The following GABRB1 variants were observed in gnomAD, a reference collection of about 807,000 sequenced individuals.
GABRB1 encodes the protein gamma-aminobutyric acid receptor subunit beta-1.
In GABRB1, 17 loss-of-function variants were observed where a neutral mutation model predicts 51.6. That is an observed-to-expected ratio of 0.33 (90% CI 0.23 to 0.49). The LOEUF (loss-of-function observed/expected upper bound fraction) is 0.49. Among genes scored for constraint, GABRB1 ranks in the 20% least tolerant of loss-of-function variants. The probability of loss-of-function intolerance (pLI) is 0.99; values close to 1 mark genes in which losing one functional copy is unlikely to be tolerated. For synonymous variants in GABRB1, 247 were observed against 218.9 expected, an observed-to-expected ratio of 1.13 and a Z score of -1.14; for missense variants, 410 against 600.6, an observed-to-expected ratio of 0.68 and a Z score of 3.32.
intron 1 of GABRB1, among the ~76,000 whole-genome samples, chr4:47,016,292 T>A (rs1402400548): frequency 2.0e-5 from 3 of 152,200 alleles, no homozygotes; most frequent in Non-Finnish European, 4.4e-5. Context: ...GCTTTCAGGC[T>A]TTGCCCTATA....
intron 1 of GABRB1, among the ~76,000 whole-genome samples, chr4:46,998,274 G>T (rs1037127578): frequency 6.6e-6 from 1 of 152,026 alleles, no homozygotes; most frequent in Non-Finnish European, 1.5e-5. Context: ...ATGTATTTTA[G>T]ATTATTAATT....
At chr4:47,257,938 T>C (rs867888895) in intron 4 of GABRB1, among the ~76,000 whole-genome samples, 87 of 151,776 alleles carry the variant, frequency 5.7e-4, no homozygotes, top group African/African-American at 1.8e-3. Flanking sequence ...TAAAAGAGTA[T>C]GGGGAAAAAA....
intron 3 of GABRB1, among the ~76,000 whole-genome samples, chr4:47,147,091 C>T (rs1236260042): frequency 5.9e-5 from 9 of 151,936 alleles, no homozygotes; most frequent in Admixed American, 5.3e-4. Context: ...ATTTTAAATA[C>T]ATAAGATAAT....
chr4:47,052,088 C>A (rs1236803974), intron 3 of GABRB1, among the ~76,000 whole-genome samples: 1 of 152,236 alleles, frequency 6.6e-6, no homozygotes, highest in East Asian at 1.9e-4. Flanking sequence ...CGAGATTGTG[C>A]CACTGCACTC....
Position 47,003,083 on chromosome 4 carries a change from A to C in GABRB1, c.-20+9157A>C, listed in dbSNP as rs559167932. On this transcript the variant is annotated intron_variant, in intron 1 of 3. Transcript: ENST00000513567. Reference sequence around the variant, plus strand: ...TCACTCCTATTTGCTTTATAATAAAAAAAAACTTTGTTCTTTTAGTGATAA... The same window carrying C: ...TCACTCCTATTTGCTTTATAATAAACAAAAACTTTGTTCTTTTAGTGATAA... 2.0e-3 allele frequency among the ~76,000 whole-genome samples: 305 copies of C among 152,352 alleles called. 14 individuals are homozygous for C. In the East Asian group the frequency reaches 0.05, roughly 25 times the overall value.
At chr4:47,208,798 A>G (rs1174486808) in intron 4 of GABRB1, among the ~76,000 whole-genome samples, 1 of 152,014 alleles carries the variant, frequency 6.6e-6, no homozygotes, top group African/African-American at 2.4e-5. Context: ...TTCTTATGGT[A>G]TTTTCATTTC....
chr4:47,262,363 C>A (rs2109880411), intron 4 of GABRB1, among the ~76,000 whole-genome samples: 1 of 152,124 alleles, frequency 6.6e-6, no homozygotes, highest in African/African-American at 2.4e-5. Flanking sequence ...AACAAACAAC[C>A]CCATCAAAAA....
At chr4:47,110,179 G>A (rs112504584) in intron 3 of GABRB1, among the ~76,000 whole-genome samples, 1 of 152,004 alleles carries the variant, frequency 6.6e-6, no homozygotes, top group South Asian at 2.1e-4. Context: ...TCTACTTAAA[G>A]ATATTGGGCC....
intron 3 of GABRB1, among the ~76,000 whole-genome samples, chr4:47,065,825 C>A (rs1438279069): frequency 2.0e-5 from 3 of 152,124 alleles, no homozygotes; most frequent in Non-Finnish European, 4.4e-5. Flanking sequence ...ATGACAGTTT[C>A]CTAGGCCTGG....
intron 4 of GABRB1, among the ~76,000 whole-genome samples, chr4:47,276,453 G>A (rs958195140): frequency 6.6e-6 from 1 of 152,048 alleles, no homozygotes; most frequent in Non-Finnish European, 1.5e-5. Flanking sequence ...TAACCTTGAA[G>A]CCTCTCCATC....
At chr4:47,262,272 G>A (rs1488033491) in intron 4 of GABRB1, among the ~76,000 whole-genome samples, 1 of 152,084 alleles carries the variant, frequency 6.6e-6, no homozygotes, top group African/African-American at 2.4e-5. Flanking sequence ...TAAAATGGGA[G>A]AAAATTTTCG....
rs1285519475 is a variant in GABRB1, at chr4:47,008,852, CCTTTTTTTT to C, written c.-20+14927_-20+14935del. ...CACCCTGTCACGCTATCAGATACTA[CCTTTTTTTT>C]TTTTTTTTTTTTTTTTTTTTTGAGA... is the stretch of plus-strand genomic sequence containing the variant. On this transcript the variant is annotated intron_variant, in intron 1 of 3. Transcript: ENST00000513567. Among the ~76,000 whole-genome samples, 236 of 56,482 alleles carry C rather than the reference CCTTTTTTTT, an allele frequency of 4.2e-3. 51 individuals are homozygous for C. The highest frequency in any genetic ancestry group is 0.016 in the African/African-American group (207 of 12,888). 37.1% of individuals were successfully genotyped at this position (56,482 alleles called of 152,430 possible). A position where few individuals can be genotyped will look rare whatever the true frequency, so the allele number is the denominator to read the frequency against.
chr4:47,143,105 C>G (rs1254803835), intron 3 of GABRB1, among the ~76,000 whole-genome samples: 1 of 151,698 alleles, frequency 6.6e-6, no homozygotes, highest in Admixed American at 6.6e-5. Flanking sequence ...AAAGTTTGTA[C>G]CAGTACTTTT....
chr4:47,170,157 C>T (rs114315300), intron 4 of GABRB1, among the ~76,000 whole-genome samples: 2,326 of 152,162 alleles, frequency 0.015, 25 homozygotes, highest in Non-Finnish European at 0.025. Context: ...AACTCCTCTA[C>T]CATATTTGTT....
chr4:47,066,651 A>G (rs750239513), intron 3 of GABRB1, among the ~76,000 whole-genome samples: 2 of 152,204 alleles, frequency 1.3e-5, no homozygotes, highest in African/African-American at 4.8e-5. Context: ...AAGTTTTATC[A>G]TGAGATTGCA....
intron 3 of GABRB1, among the ~76,000 whole-genome samples, chr4:47,137,137 A>G (rs1716696559): frequency 6.6e-6 from 1 of 152,124 alleles, no homozygotes; most frequent in Non-Finnish European, 1.5e-5. Context: ...TTGATAAATC[A>G]TCCCTAACTG....
At chr4:47,204,166 T>A (rs964007750) in intron 4 of GABRB1, among the ~76,000 whole-genome samples, 1 of 152,190 alleles carries the variant, frequency 6.6e-6, no homozygotes, top group Non-Finnish European at 1.5e-5. Context: ...GCTTACATGA[T>A]TCGTGTTCTA....
chr4:47,006,766 T>G (rs1249437070), intron 1 of GABRB1, among the ~76,000 whole-genome samples: 1 of 152,194 alleles, frequency 6.6e-6, no homozygotes, highest in Admixed American at 6.5e-5. Flanking sequence ...AGACAAATAT[T>G]TAAATAATTG....
chr4:47,177,478 C>T (rs1052159469), intron 4 of GABRB1, among the ~76,000 whole-genome samples: 16 of 152,034 alleles, frequency 1.1e-4, no homozygotes, highest in African/African-American at 3.9e-4. Flanking sequence ...CAATGACGAA[C>T]TTGTGGAAGC....
Sources: allele counts gnomAD v4.1 joint callset (sites outside exome capture counted in the v4.1 genomes callset), GRCh38; gene constraint gnomAD v4.1.1; transcripts MANE v1.5; gene names NCBI Gene and HGNC (gene_info 2026-07-23, HGNC 2026-07-21).